DPP10: variants seen among roughly 807,000 people sequenced by gnomAD.
The protein encoded by DPP10 is inactive dipeptidyl peptidase 10.
Under a neutral mutation model 120.9 loss-of-function variants are expected in DPP10, and 33 were observed. The ratio of observed to expected loss-of-function variants is 0.27; its 90% confidence interval spans 0.21 to 0.37. DPP10 has a LOEUF of 0.37. DPP10 is among the 10% of genes least tolerant of loss of function. The probability of loss-of-function intolerance (pLI) is 1.00; values close to 1 mark genes in which losing one functional copy is unlikely to be tolerated. For missense variants in DPP10, 816 were observed against 942.8 expected (o/e 0.87, Z 1.76); for synonymous variants, 337 against 326.1 (o/e 1.03, Z -0.36).
intron 1 of DPP10, among the ~76,000 whole-genome samples, chr2:114,540,599 CTA>C (rs1231206586): frequency 6.6e-6 from 1 of 152,166 alleles, no homozygotes; most frequent in Non-Finnish European, 1.5e-5. Context: ...TGGAGCCACA[CTA>C]AATATTTTTC....
At chr2:115,811,370 A>G (rs1686620818) in intron 19 of DPP10, among the ~76,000 whole-genome samples, 1 of 152,184 alleles carries the variant, frequency 6.6e-6, no homozygotes, top group African/African-American at 2.4e-5. Flanking sequence ...GTGAAATTGT[A>G]GTTTTCTTCT....
At chr2:115,483,520 AC>A (rs1176117261) in intron 3 of DPP10, among the ~76,000 whole-genome samples, 1 of 150,740 alleles carries the variant, frequency 6.6e-6, no homozygotes, top group African/African-American at 2.4e-5. Context: ...TGTGTGTAAA[AC>A]TAATATTGTT....
intron 3 of DPP10, among the ~76,000 whole-genome samples, chr2:115,410,722 C>T (rs1177855409): frequency 6.6e-6 from 1 of 152,172 alleles, no homozygotes; most frequent in Admixed American, 6.5e-5. Flanking sequence ...GCAGTTTACA[C>T]TGCTCAAGTG....
chr2:115,152,442 A>G (rs1263882563), intron 1 of DPP10, among the ~76,000 whole-genome samples: 1 of 152,174 alleles, frequency 6.6e-6, no homozygotes, highest in African/African-American at 2.4e-5. Context: ...TGACCTTGAT[A>G]GTTTTCTGTT....
chr2:114,707,629 A>G (rs1378206386), intron 1 of DPP10, among the ~76,000 whole-genome samples: 1 of 152,172 alleles, frequency 6.6e-6, no homozygotes, highest in South Asian at 2.1e-4. Flanking sequence ...GTGAGTCATG[A>G]GAGTCTTGCT....
intron 1 of DPP10, among the ~76,000 whole-genome samples, chr2:115,071,158 C>T (rs1707332758): frequency 1.3e-5 from 2 of 152,172 alleles, no homozygotes; most frequent in African/African-American, 4.8e-5. Flanking sequence ...AAAGAGTCAG[C>T]AATAGAAAAT....
intron 1 of DPP10, among the ~76,000 whole-genome samples, chr2:115,122,427 GGT>G (rs2049872450): frequency 3.3e-5 from 5 of 152,146 alleles, no homozygotes; most frequent in Non-Finnish European, 5.9e-5. Flanking sequence ...CTGTCCTACA[GGT>G]ACTTTGGTCT....
intron 1 of DPP10, among the ~76,000 whole-genome samples, chr2:115,189,439 C>T (rs182530827): frequency 1.1e-3 from 170 of 152,110 alleles, no homozygotes; most frequent in African/African-American, 3.4e-3. Flanking sequence ...TTGGAACTGA[C>T]GGGAAAGTTA....
At chr2:114,496,530 A>C (rs1682532525) in intron 1 of DPP10, among the ~76,000 whole-genome samples, 1 of 152,112 alleles carries the variant, frequency 6.6e-6, no homozygotes, top group Non-Finnish European at 1.5e-5. Flanking sequence ...ATAAGGTAGA[A>C]GTGCAAGAAG....
chr2:115,282,445 T>G (rs1284921943), intron 1 of DPP10, among the ~76,000 whole-genome samples: 1 of 152,074 alleles, frequency 6.6e-6, no homozygotes, highest in East Asian at 1.9e-4. Flanking sequence ...AAAATAGAAT[T>G]AAAAACCCAT....
intron 7 of DPP10, among the ~76,000 whole-genome samples, chr2:115,715,339 CAAAA>C (rs546857779): frequency 0.12 from 8,092 of 67,374 alleles, 208 homozygotes; most frequent in Middle Eastern, 0.15. Context: ...AACTCCGTCT[CAAAA>C]AAAAAAAAAA....
At chr2:114,724,290 A>G (rs780274063) in intron 1 of DPP10, among the ~76,000 whole-genome samples, 4 of 152,238 alleles carry the variant, frequency 2.6e-5, no homozygotes, top group African/African-American at 9.6e-5. Flanking sequence ...ACTGGACACC[A>G]TAACTTATAA....
At chr2:115,221,619 C>T (rs748247010) in intron 1 of DPP10, among the ~76,000 whole-genome samples, 48 of 152,116 alleles carry the variant, frequency 3.2e-4, no homozygotes, top group Admixed American at 1.1e-3. Flanking sequence ...TTATTCTACA[C>T]TGCCTCTGAC....
intron 5 of DPP10, among the ~76,000 whole-genome samples, chr2:115,571,845 T>TTGTGTG (rs10634118): frequency 1.4e-3 from 205 of 149,688 alleles, no homozygotes; most frequent in African/African-American, 3.9e-3. Flanking sequence ...CTCCAATATC[T>TTGTGTG]TGTGTGTGTG....
intron 1 of DPP10, among the ~76,000 whole-genome samples, chr2:114,952,553 G>T (rs1697872343): frequency 6.6e-6 from 1 of 152,084 alleles, no homozygotes. Context: ...CTTGTAAAAT[G>T]AGTGTATGAA....
At chr2:114,625,676 A>G (rs1468335622) in intron 1 of DPP10, among the ~76,000 whole-genome samples, 1 of 152,036 alleles carries the variant, frequency 6.6e-6, no homozygotes, top group Non-Finnish European at 1.5e-5. Flanking sequence ...ATCATTATGA[A>G]TGAATAAATT....
chr2:115,311,179 AGTAGTTTTGT>A (rs2061560515), intron 2 of DPP10, among the ~76,000 whole-genome samples: 1 of 152,174 alleles, frequency 6.6e-6, no homozygotes, highest in African/African-American at 2.4e-5. Flanking sequence ...TCTGTAATAC[AGTAGTTTTGT>A]GCAATTTGGC....
intron 1 of DPP10, among the ~76,000 whole-genome samples, chr2:115,117,113 C>T (rs4597538): frequency 0.21 from 31,229 of 151,946 alleles, 3,897 homozygotes; most frequent in East Asian, 0.36. Context: ...CCTGTTTCTA[C>T]ACTCTTCCTG....
chr2:114,483,209 A>G (rs899096071), intron 1 of DPP10, among the ~76,000 whole-genome samples: 2 of 152,156 alleles, frequency 1.3e-5, no homozygotes, highest in East Asian at 3.9e-4. Flanking sequence ...TGACAGGGCC[A>G]GTATCAGTTT....
Sources: allele counts gnomAD v4.1 joint callset (sites outside exome capture counted in the v4.1 genomes callset), GRCh38; gene constraint gnomAD v4.1.1; transcripts MANE v1.5; gene names NCBI Gene and HGNC (gene_info 2026-07-23, HGNC 2026-07-21).